Variants in NRG1 observed in about 807,000 individuals in gnomAD.
NRG1 encodes the protein neuregulin 1, also known as pro-neuregulin-1, membrane-bound isoform.
Under a neutral mutation model 63.8 loss-of-function variants are expected in NRG1, and 18 were observed. That is an observed-to-expected ratio of 0.28 (90% CI 0.19 to 0.42). The LOEUF is 0.42. NRG1 is among the 10% of genes least tolerant of loss of function. The probability of loss-of-function intolerance (pLI) is 1.00; values close to 1 mark genes in which losing one functional copy is unlikely to be tolerated. For synonymous variants in NRG1, 302 were observed against 301.3 expected (o/e 1.00, Z -0.02); for missense variants, 762 against 814.7 (o/e 0.94, Z 0.79).
chr8:32,044,257 A>C (rs1820569755), intron 1 of NRG1, among the ~76,000 whole-genome samples: 1 of 151,944 alleles, frequency 6.6e-6, no homozygotes, highest in Non-Finnish European at 1.5e-5. Flanking sequence ...AAGACATAAC[A>C]ACCTTAACTA....
intron 1 of NRG1, among the ~76,000 whole-genome samples, chr8:31,989,670 A>G (rs1177920248): frequency 6.6e-6 from 1 of 152,136 alleles, no homozygotes; most frequent in Non-Finnish European, 1.5e-5. Context: ...GGGAAGCGAC[A>G]GTAATCCAAT....
chr8:31,746,757 A>T (rs1024702499), intron 1 of NRG1, among the ~76,000 whole-genome samples: 1 of 151,966 alleles, frequency 6.6e-6, no homozygotes, highest in Non-Finnish European at 1.5e-5. Context: ...GGATCAACCT[A>T]AGTGTCCATC....
chr8:31,686,759 G>GTTGTTC (rs1808934168), intron 1 of NRG1, among the ~76,000 whole-genome samples: 1 of 151,468 alleles, frequency 6.6e-6, no homozygotes, highest in African/African-American at 2.4e-5. Context: ...GGTCTTTTTT[G>GTTGTTC]TTGTTTTTGT....
chr8:32,764,360 G>A (rs1485287055), exon 12 of NRG1: 1 of 1,611,404 alleles, frequency 6.2e-7, no homozygotes, highest in Non-Finnish European at 8.5e-7. Context: ...TCCAGGCCAG[G>A]CTGTCTAGTG....
chr8:32,073,084 A>G (rs1825984139), intron 1 of NRG1, among the ~76,000 whole-genome samples: 1 of 152,168 alleles, frequency 6.6e-6, no homozygotes, highest in Non-Finnish European at 1.5e-5. Flanking sequence ...TGATACTATG[A>G]AAGTTCTGGC....
chr8:32,667,254 C>T (rs1232609135), intron 5 of NRG1, among the ~76,000 whole-genome samples: 1 of 152,132 alleles, frequency 6.6e-6, no homozygotes, highest in Non-Finnish European at 1.5e-5. Context: ...AGTAAAAATA[C>T]AGTATTATAA....
At chr8:31,998,673 G>A (rs1586368771) in intron 1 of NRG1, among the ~76,000 whole-genome samples, 1 of 151,948 alleles carries the variant, frequency 6.6e-6, no homozygotes, top group African/African-American at 2.4e-5. Context: ...TGTCCATGGC[G>A]TGAGAGTAAC....
chr8:31,845,551 T>G (rs1390281981), intron 1 of NRG1, among the ~76,000 whole-genome samples: 1 of 152,122 alleles, frequency 6.6e-6, no homozygotes, highest in Non-Finnish European at 1.5e-5. Flanking sequence ...AATGCTCTTT[T>G]TGTTAGCTCT....
intron 1 of NRG1, among the ~76,000 whole-genome samples, chr8:31,991,092 A>G (rs1810983465): frequency 6.6e-6 from 1 of 152,216 alleles, no homozygotes; most frequent in East Asian, 1.9e-4. Flanking sequence ...CTGTTGTTTC[A>G]GAAAAGAAAT....
chr8:31,793,098 A>G (rs1423402071), intron 1 of NRG1, among the ~76,000 whole-genome samples: 5 of 152,240 alleles, frequency 3.3e-5, no homozygotes. Context: ...ACTAGCACTC[A>G]TAGCAGATTA....
chr8:31,696,210 G>T (rs1306546770), intron 1 of NRG1, among the ~76,000 whole-genome samples: 2 of 152,144 alleles, frequency 1.3e-5, no homozygotes, highest in Non-Finnish European at 2.9e-5. Flanking sequence ...GGGATTACAG[G>T]CATGTGCCAT....
intron 1 of NRG1, among the ~76,000 whole-genome samples, chr8:32,159,793 A>G (rs1838624362): frequency 6.6e-6 from 1 of 152,112 alleles, no homozygotes; most frequent in Non-Finnish European, 1.5e-5. Context: ...TTATAATGGA[A>G]TGAATCACCC....
Position 32,591,001 on chromosome 8 carries a change from T to C in NRG1, c.101-4827T>C, listed in dbSNP as rs1259012427. On this transcript the variant is annotated intron_variant, in intron 1 of 11. Transcript: ENST00000356819. ...TGATACTTGAATTTGAGCTCTGCCCTGAGTGAGCGAGAACCTTTGTATGGT... is the reference window on the plus strand; with the variant it reads ...TGATACTTGAATTTGAGCTCTGCCCCGAGTGAGCGAGAACCTTTGTATGGT... Among the ~76,000 whole-genome samples the C allele has an allele frequency of 3.3e-5, 5 of 152,190 alleles. No individual in the cohort carries two copies. The East Asian group carries it at 9.6e-4, about 29-fold the overall frequency.
chr8:32,489,576 A>C (rs191291734), intron 1 of NRG1, among the ~76,000 whole-genome samples: 53 of 152,248 alleles, frequency 3.5e-4, no homozygotes, highest in African/African-American at 1.1e-3. Flanking sequence ...ACTTTTCTTA[A>C]GGAGACTCCC....
chr8:31,907,809 CTGAT>C (rs1832651643), intron 1 of NRG1, among the ~76,000 whole-genome samples: 2 of 152,284 alleles, frequency 1.3e-5, no homozygotes, highest in South Asian at 2.1e-4. Context: ...TGATGAACCT[CTGAT>C]TGTGTGCAAC....
chr8:32,072,848 C>A (rs1240354411), intron 1 of NRG1, among the ~76,000 whole-genome samples: 1 of 152,170 alleles, frequency 6.6e-6, no homozygotes, highest in Non-Finnish European at 1.5e-5. Flanking sequence ...CACAGCTCTA[C>A]CCCCTCCACT....
intron 5 of NRG1, among the ~76,000 whole-genome samples, chr8:32,716,704 A>C (rs1306191796): frequency 6.6e-6 from 1 of 151,918 alleles, no homozygotes. Flanking sequence ...TCTTTTTATG[A>C]TCTTCTTCCA....
chr8:32,120,416 G>A (rs948242779), intron 1 of NRG1, among the ~76,000 whole-genome samples: 2 of 151,998 alleles, frequency 1.3e-5, no homozygotes, highest in African/African-American at 4.8e-5. Context: ...TGGAAGAATG[G>A]TAGTCCTACT....
intron 1 of NRG1, among the ~76,000 whole-genome samples, chr8:31,727,585 C>T (rs1366322011): frequency 6.6e-6 from 1 of 152,134 alleles, no homozygotes; most frequent in Non-Finnish European, 1.5e-5. Flanking sequence ...TAGGTAGATA[C>T]TGATACCCTG....
Sources: gnomAD v4.1 joint callset for allele counts (sites outside exome capture counted in the v4.1 genomes callset) on GRCh38, gnomAD v4.1.1 for gene constraint, MANE v1.5 for transcripts, NCBI Gene and HGNC (gene_info 2026-07-23, HGNC 2026-07-21) for gene names.